Variants in ATE1 observed in about 807,000 individuals in gnomAD.
The protein encoded by ATE1 is arginyltransferase 1.
Under a neutral mutation model 70.5 loss-of-function variants are expected in ATE1, and 36 were observed. The observed-to-expected ratio is 0.51, with a 90% confidence interval of 0.39 to 0.67. ATE1 has a LOEUF of 0.67. ATE1 is among the 30% of genes least tolerant of loss of function. ATE1 has a pLI of 0.00. For missense variants in ATE1, 593 were observed against 629.5 expected, an observed-to-expected ratio of 0.94 and a Z score of 0.62; for synonymous variants, 232 against 219.3, an observed-to-expected ratio of 1.06 and a Z score of -0.51.
At chr10:121,911,278 A>G in intron 4 of ATE1, 127 bp from the exon 5 acceptor site, 12 of 1,177,222 alleles carry the variant, frequency 1.0e-5, no homozygotes, top group Non-Finnish European at 1.1e-5. Flanking sequence ...ATCCATTCTC[A>G]TCCTCCAAAA....
intron 8 of ATE1, among the ~76,000 whole-genome samples, chr10:121,853,762 G>T (rs1168669037): frequency 1.3e-5 from 2 of 152,094 alleles, no homozygotes; most frequent in Admixed American, 1.3e-4. Flanking sequence ...ACCTTAGACT[G>T]GGCATTTTAT....
intron 7 of ATE1, among the ~76,000 whole-genome samples, chr10:121,899,201 T>G: frequency 6.6e-6 from 1 of 152,130 alleles, no homozygotes; most frequent in East Asian, 1.9e-4. Context: ...TCTTTTTTTT[T>G]TCTCTCTCTC....
intron 10 of ATE1, among the ~76,000 whole-genome samples, chr10:121,807,984 G>A (rs371697847): frequency 6.0e-4 from 92 of 152,120 alleles, no homozygotes; most frequent in Middle Eastern, 3.4e-3. Flanking sequence ...AAAGTTTGCC[G>A]ACTCTTACTG....
intron 10 of ATE1, among the ~76,000 whole-genome samples, chr10:121,822,344 T>C (rs1309170988): frequency 1.3e-5 from 2 of 152,194 alleles, no homozygotes; most frequent in East Asian, 1.9e-4. Flanking sequence ...AACTAGTCTG[T>C]AGTGTTAAAA....
At chr10:121,855,202 C>T (rs1416869630) in intron 8 of ATE1, among the ~76,000 whole-genome samples, 1 of 152,194 alleles carries the variant, frequency 6.6e-6, no homozygotes, top group African/African-American at 2.4e-5. Context: ...TAAACTTTTG[C>T]TCCAATCTCA....
intron 10 of ATE1, among the ~76,000 whole-genome samples, chr10:121,835,149 T>C (rs751290781): frequency 6.6e-6 from 1 of 152,138 alleles, no homozygotes; most frequent in Non-Finnish European, 1.5e-5. Context: ...TCAAGTGAAT[T>C]AGTAATTCAG....
chr10:121,891,204 T>G (rs1013572266), intron 7 of ATE1, among the ~76,000 whole-genome samples: 1 of 152,000 alleles, frequency 6.6e-6, no homozygotes, highest in Non-Finnish European at 1.5e-5. Context: ...ACTGAAGAGG[T>G]GGTAACTGAT....
At chr10:121,827,725 T>C (rs979076040) in intron 10 of ATE1, among the ~76,000 whole-genome samples, 4 of 152,232 alleles carry the variant, frequency 2.6e-5, no homozygotes, top group Admixed American at 6.5e-5. Context: ...AATTATTTTG[T>C]GACTATCTTG....
chr10:121,923,488 T>A (rs1320422301), intron 2 of ATE1, among the ~76,000 whole-genome samples: 1 of 148,048 alleles, frequency 6.8e-6, no homozygotes, highest in Non-Finnish European at 1.5e-5. Flanking sequence ...ACCATGTCTC[T>A]AAAAAAAAAA....
At chr10:121,817,316 G>A (rs1456485106) in intron 10 of ATE1, among the ~76,000 whole-genome samples, 3 of 152,190 alleles carry the variant, frequency 2.0e-5, no homozygotes, top group Admixed American at 6.5e-5. Flanking sequence ...CAAGGCGGGC[G>A]GATCACAAGG....
chr10:121,747,544 C>T (rs1564804994), intron 11 of ATE1, among the ~76,000 whole-genome samples: 1 of 152,206 alleles, frequency 6.6e-6, no homozygotes, highest in Non-Finnish European at 1.5e-5. Flanking sequence ...CCCCTGGGCC[C>T]CCTTTCCTCT....
chr10:121,873,400 T>TA (rs1210195210), intron 7 of ATE1, among the ~76,000 whole-genome samples: 1 of 152,160 alleles, frequency 6.6e-6, no homozygotes, highest in Admixed American at 6.5e-5. Context: ...TTGCTTTTCT[T>TA]AAAGTATTCT....
chr10:121,831,594 C>G (rs1441481508), intron 10 of ATE1, among the ~76,000 whole-genome samples: 1 of 152,194 alleles, frequency 6.6e-6, no homozygotes, highest in Non-Finnish European at 1.5e-5. Context: ...ACATTTCATG[C>G]TGACTGCTTA....
intron 3 of ATE1, among the ~76,000 whole-genome samples, chr10:121,920,406 C>A (rs190628314): frequency 6.6e-6 from 1 of 152,044 alleles, no homozygotes; most frequent in Non-Finnish European, 1.5e-5. Flanking sequence ...GTGGTGTGTA[C>A]CTACAGTCCC....
intron 8 of ATE1, among the ~76,000 whole-genome samples, chr10:121,855,801 G>A (rs1005598243): frequency 9.9e-5 from 15 of 152,136 alleles, no homozygotes; most frequent in African/African-American, 2.9e-4. Flanking sequence ...TAGGCCAGGT[G>A]TGGTGGCTCA....
chr10:121,863,922 C>T (rs1949568422), intron 8 of ATE1, among the ~76,000 whole-genome samples: 1 of 152,140 alleles, frequency 6.6e-6, no homozygotes, highest in Non-Finnish European at 1.5e-5. Context: ...GATAAGTATT[C>T]GTATAGTAGT....
chr10:121,874,633 C>T (rs1023518629), intron 7 of ATE1, among the ~76,000 whole-genome samples: 7 of 152,124 alleles, frequency 4.6e-5, no homozygotes, highest in African/African-American at 7.2e-5. Context: ...TTGCAAGCAA[C>T]GTAGCAGAAA....
Position 121,836,721 on chromosome 10 carries a change from A to G in ATE1, c.1254T>C (p.Tyr418=), listed in dbSNP as rs1168831416. 4 of 1,507,068 alleles carry G rather than the reference A, an allele frequency of 2.7e-6. No individual in the cohort carries two copies. Among genetic ancestry groups the G allele is most frequent in the Non-Finnish European group, 3.6e-6 (4 of 1,106,750 alleles). 93.4% of individuals were successfully genotyped at this position (1,507,068 alleles called of 1,614,324 possible). A position where few individuals can be genotyped will look rare whatever the true frequency, so the allele number is the denominator to read the frequency against. Residue 418 remains tyrosine (Y), a synonymous_variant, in exon 10 of 12, where the codon TAT becomes TAC. Coordinates refer to ENST00000224652, the MANE Select transcript of ATE1 (RefSeq NM_001001976.3). ...CATATGTGAAAATCAACTTTACCTT[A>G]TATTTCATCTTGGGACATGAATGAA... The part of the protein sequence containing the change: ...FYIHSCPKMK[Y]KGQYRPSDLL...
intron 7 of ATE1, among the ~76,000 whole-genome samples, chr10:121,887,456 T>C (rs940175056): frequency 6.6e-6 from 1 of 152,204 alleles, no homozygotes; most frequent in Non-Finnish European, 1.5e-5. Flanking sequence ...ACACCTATAA[T>C]GCCAGTACTT....
Sources: allele counts gnomAD v4.1 joint callset (sites outside exome capture counted in the v4.1 genomes callset), GRCh38; gene constraint gnomAD v4.1.1; transcripts MANE v1.5; gene names NCBI Gene and HGNC (gene_info 2026-07-23, HGNC 2026-07-21).